Variants in SYT9 observed in about 807,000 individuals in gnomAD.
The protein encoded by SYT9 is synaptotagmin-9.
In SYT9, 22 loss-of-function variants were observed where a neutral mutation model predicts 48.4. That is an observed-to-expected ratio of 0.45 (90% CI 0.32 to 0.65). The LOEUF (loss-of-function observed/expected upper bound fraction) is 0.65, where lower values mean the gene tolerates loss of function less well. Among genes scored for constraint, SYT9 ranks in the 30% least tolerant of loss-of-function variants. The probability of loss-of-function intolerance (pLI) is 0.03; values close to 1 mark genes in which losing one functional copy is unlikely to be tolerated. For synonymous variants in SYT9, 265 were observed against 245.0 expected, an observed-to-expected ratio of 1.08 and a Z score of -0.76; for missense variants, 577 against 622.0, an observed-to-expected ratio of 0.93 and a Z score of 0.77.
At chr11:7,356,438 T>A (rs1850021905) in intron 3 of SYT9, among the ~76,000 whole-genome samples, 2 of 152,198 alleles carry the variant, frequency 1.3e-5, no homozygotes, top group African/African-American at 2.4e-5. Context: ...CTTGGGGGCT[T>A]TGCCCCTTCT....
intron 3 of SYT9, among the ~76,000 whole-genome samples, chr11:7,388,452 C>T (rs951220090): frequency 5.3e-5 from 8 of 151,986 alleles, no homozygotes; most frequent in African/African-American, 1.7e-4. Context: ...TAACTTTTGG[C>T]TCGTTAATCT....
intron 3 of SYT9, among the ~76,000 whole-genome samples, chr11:7,332,062 G>T (rs1303090688): frequency 6.6e-6 from 1 of 152,204 alleles, no homozygotes; most frequent in Non-Finnish European, 1.5e-5. Context: ...AGCTGAGAGG[G>T]ATTCTCGTGC....
chr11:7,318,383 G>T (rs1292742074), intron 3 of SYT9, among the ~76,000 whole-genome samples: 2 of 151,894 alleles, frequency 1.3e-5, no homozygotes, highest in African/African-American at 4.8e-5. Flanking sequence ...GCGCAATCAA[G>T]GCTCACTGCA....
chr11:7,404,507 T>A (rs946566539), intron 3 of SYT9, among the ~76,000 whole-genome samples: 19 of 152,210 alleles, frequency 1.2e-4, no homozygotes, highest in African/African-American at 4.3e-4. Context: ...TTAGAGTATA[T>A]ATCTTTAACT....
chr11:7,367,718 T>G (rs555280145), intron 3 of SYT9, among the ~76,000 whole-genome samples: 1 of 152,352 alleles, frequency 6.6e-6, no homozygotes, highest in East Asian at 1.9e-4. Context: ...TTTTGTTTGC[T>G]TTTTGATATT....
chr11:7,409,825 T>C (rs140581063), intron 3 of SYT9, among the ~76,000 whole-genome samples: 202 of 152,246 alleles, frequency 1.3e-3, no homozygotes, highest in African/African-American at 4.6e-3. Context: ...ATTTCATTTA[T>C]TCTGTGTATT....
chr11:7,395,825 C>G (rs1315139575), intron 3 of SYT9, among the ~76,000 whole-genome samples: 1 of 151,836 alleles, frequency 6.6e-6, no homozygotes, highest in African/African-American at 2.4e-5. Context: ...AGTGTTTAGA[C>G]CATTTACATT....
chr11:7,369,794 A>ACACACACAC (rs1564879645), intron 3 of SYT9, among the ~76,000 whole-genome samples: 61 of 143,980 alleles, frequency 4.2e-4, no homozygotes, highest in African/African-American at 1.5e-3. Flanking sequence ...CACACACACA[A>ACACACACAC]ACACACACAC....
At chr11:7,416,970 C>A (rs570035505) in intron 4 of SYT9, among the ~76,000 whole-genome samples, 1 of 152,146 alleles carries the variant, frequency 6.6e-6, no homozygotes, top group South Asian at 2.1e-4. Context: ...TTCCAGTAAA[C>A]CAAGCATTAA....
intron 3 of SYT9, among the ~76,000 whole-genome samples, chr11:7,394,656 T>G (rs1846710142): frequency 6.6e-6 from 1 of 151,464 alleles, no homozygotes; most frequent in Non-Finnish European, 1.5e-5. Flanking sequence ...ATCTGTATGT[T>G]TTTTGGCAGT....
intron 3 of SYT9, among the ~76,000 whole-genome samples, chr11:7,344,574 A>G (rs552984223): frequency 1.3e-5 from 2 of 152,190 alleles, no homozygotes; most frequent in South Asian, 2.1e-4. Context: ...GTTAATTTTT[A>G]TGTATAGTAT....
intron 2 of SYT9, among the ~76,000 whole-genome samples, chr11:7,312,939 A>G (rs930481021): frequency 4.6e-5 from 7 of 152,248 alleles, no homozygotes; most frequent in African/African-American, 1.7e-4. Flanking sequence ...TAAAGCTATA[A>G]GCCAGTGGCA....
At chr11:7,353,376 T>G (rs1849955319) in intron 3 of SYT9, among the ~76,000 whole-genome samples, 1 of 152,138 alleles carries the variant, frequency 6.6e-6, no homozygotes, top group Admixed American at 6.5e-5. Context: ...ACTCAGCCCC[T>G]GCAGCATATA....
At chr11:7,298,241 C>T (rs867691841) in intron 1 of SYT9, among the ~76,000 whole-genome samples, 7 of 152,114 alleles carry the variant, frequency 4.6e-5, no homozygotes, top group Non-Finnish European at 1.0e-4. Context: ...CGTTCAGGTA[C>T]CTGTTCCTTG....
At chr11:7,248,652 A>T (rs1009681725), upstream of SYT9, among the ~76,000 whole-genome samples, 6 of 151,980 alleles carry the variant, frequency 3.9e-5, no homozygotes, top group Non-Finnish European at 8.8e-5. Flanking sequence ...TACAAGGAAG[A>T]CTGCAAAACA....
intron 3 of SYT9, among the ~76,000 whole-genome samples, chr11:7,385,058 C>G (rs930265686): frequency 1.3e-5 from 2 of 152,100 alleles, no homozygotes; most frequent in African/African-American, 4.8e-5. Context: ...ACTTAACTCC[C>G]TTTCCTGCTT....
intron 3 of SYT9, among the ~76,000 whole-genome samples, chr11:7,344,854 C>G (rs568306155): frequency 2.6e-5 from 4 of 151,988 alleles, no homozygotes; most frequent in African/African-American, 9.6e-5. Flanking sequence ...CAACTTTACC[C>G]TACTTTGTCA....
chr11:7,271,572 T>A (rs56202025), intron 1 of SYT9, among the ~76,000 whole-genome samples: 3,112 of 152,208 alleles, frequency 0.02, 104 homozygotes, highest in African/African-American at 0.071. Flanking sequence ...CTTGTTTTTT[T>A]GTTTTGTTTT....
chr11:7,320,922 C>A (rs757530292), intron 3 of SYT9, among the ~76,000 whole-genome samples: 6 of 152,068 alleles, frequency 3.9e-5, no homozygotes, highest in Non-Finnish European at 7.4e-5. Context: ...GACTATGAGT[C>A]CAGTGTTCTG....
Sources: gnomAD v4.1 joint callset for allele counts (sites outside exome capture counted in the v4.1 genomes callset) on GRCh38, gnomAD v4.1.1 for gene constraint, MANE v1.5 for transcripts, NCBI Gene and HGNC (gene_info 2026-07-23, HGNC 2026-07-21) for gene names.